The following RPS6KC1 variants were observed in gnomAD, a reference collection of about 807,000 sequenced individuals.
RPS6KC1 encodes the protein inactive ribosomal protein S6 kinase delta-1.
Under a neutral mutation model 103.8 loss-of-function variants are expected in RPS6KC1, and 54 were observed. The ratio of observed to expected loss-of-function variants is 0.52; its 90% CI spans 0.42 to 0.65. The LOEUF is 0.65. Ranked by LOEUF, RPS6KC1 falls within the 30% of genes least tolerant of loss-of-function variation. The probability of loss-of-function intolerance (pLI) is 0.00; values close to 1 mark genes in which losing one functional copy is unlikely to be tolerated. For synonymous variants in RPS6KC1, 439 were observed against 438.7 expected (o/e 1.00, Z -0.01); for missense variants, 1,151 against 1,253.8 (o/e 0.92, Z 1.24).
At chr1:213,150,866 C>T (rs1466574543) in intron 6 of RPS6KC1, among the ~76,000 whole-genome samples, 1 of 152,132 alleles carries the variant, frequency 6.6e-6, no homozygotes, top group Non-Finnish European at 1.5e-5. Context: ...GGCAGAGGGG[C>T]TCCTCACTTC....
rs553758552 is a variant in RPS6KC1 at position 213,189,342 on chromosome 1, C to T, written c.1044+12850C>T. ...TGGGTGCTTGTAATTCCAGCTACTC[C>T]GGAGGCTGAGGCAAGATAATTGCTT... is the stretch of plus-strand genomic sequence containing the variant. On this transcript the variant is annotated intron_variant, in intron 8 of 14. Coordinates refer to ENST00000366960, the MANE Select transcript of RPS6KC1 (RefSeq NM_012424.6). Among the ~76,000 whole-genome samples the T allele has an allele frequency of 1.1e-3, 170 of 151,230 alleles. 1 individual carries two copies. The highest frequency in any genetic ancestry group is 3.8e-3 in the African/African-American group (158 of 41,180).
At chr1:213,631,009 C>T in the RPS6KC1 span, among the ~76,000 whole-genome samples, 19 of 152,144 alleles carry the variant, frequency 1.2e-4, no homozygotes, top group African/African-American at 4.6e-4. Context: ...ACCCTCTGAG[C>T]CAGGTGTGGG....
At chr1:213,076,247 T>A (rs2079323952) in intron 2 of RPS6KC1, among the ~76,000 whole-genome samples, 1 of 152,220 alleles carries the variant, frequency 6.6e-6, no homozygotes, top group Admixed American at 6.5e-5. Flanking sequence ...CATATTATAG[T>A]CTGCCTAGCC....
At chr1:213,158,718 C>T (rs1312638590) in intron 6 of RPS6KC1, among the ~76,000 whole-genome samples, 1 of 152,018 alleles carries the variant, frequency 6.6e-6, no homozygotes, top group Non-Finnish European at 1.5e-5. Flanking sequence ...GGCATGTTTC[C>T]TGAGAGTTGT....
At chr1:213,371,300 G>A in the RPS6KC1 span, among the ~76,000 whole-genome samples, 2 of 152,144 alleles carry the variant, frequency 1.3e-5, no homozygotes, top group Non-Finnish European at 2.9e-5. Flanking sequence ...TTTTAAGGCT[G>A]AATAATATTC....
chr1:213,223,158 G>C (rs1313159726), intron 8 of RPS6KC1, among the ~76,000 whole-genome samples: 1 of 152,012 alleles, frequency 6.6e-6, no homozygotes, highest in Non-Finnish European at 1.5e-5. Flanking sequence ...ACACAAATCC[G>C]GTTATATGTG....
chr1:213,254,328 T>C (rs1446649003), intron 12 of RPS6KC1, among the ~76,000 whole-genome samples: 1 of 152,220 alleles, frequency 6.6e-6, no homozygotes, highest in African/African-American at 2.4e-5. Flanking sequence ...ATTCTGTGTC[T>C]CCATTACATT....
chr1:213,814,912 C>T, the RPS6KC1 span, among the ~76,000 whole-genome samples: 6 of 152,148 alleles, frequency 3.9e-5, no homozygotes, highest in African/African-American at 1.4e-4. Context: ...ACAGCAAACT[C>T]ATAGATTCTC....
At chr1:213,619,411 G>T in the RPS6KC1 span, among the ~76,000 whole-genome samples, 2 of 152,314 alleles carry the variant, frequency 1.3e-5, no homozygotes, top group Non-Finnish European at 2.9e-5. Context: ...TAACAGCAAA[G>T]GGAAGGACAA....
the RPS6KC1 span, among the ~76,000 whole-genome samples, chr1:213,313,540 C>T: frequency 3.3e-5 from 5 of 152,170 alleles, no homozygotes; most frequent in South Asian, 2.1e-4. Context: ...GCCGTTTCTC[C>T]TGCTGTTTCC....
At chr1:213,392,812 A>G in the RPS6KC1 span, among the ~76,000 whole-genome samples, 4 of 152,348 alleles carry the variant, frequency 2.6e-5, no homozygotes, top group African/African-American at 9.6e-5. Flanking sequence ...CAGAGCCTGG[A>G]GGAAAATTCA....
At chr1:213,682,028 G>A in the RPS6KC1 span, among the ~76,000 whole-genome samples, 3 of 152,116 alleles carry the variant, frequency 2.0e-5, no homozygotes, top group African/African-American at 4.8e-5. Context: ...TCCTGAAATT[G>A]CTTTTCTATT....
At chr1:213,400,298 A>G in the RPS6KC1 span, among the ~76,000 whole-genome samples, 1 of 152,186 alleles carries the variant, frequency 6.6e-6, no homozygotes, top group Non-Finnish European at 1.5e-5. Context: ...GAGCTCGACC[A>G]TAAGAGAACA....
the RPS6KC1 span, among the ~76,000 whole-genome samples, chr1:213,443,900 C>CAA: frequency 8.6e-5 from 13 of 150,802 alleles, no homozygotes; most frequent in South Asian, 1.1e-3. Context: ...GACCCTGTCT[C>CAA]AAAAAAAAAG....
chr1:213,491,095 G>A, the RPS6KC1 span, among the ~76,000 whole-genome samples: 54 of 152,290 alleles, frequency 3.5e-4, no homozygotes, highest in African/African-American at 1.3e-3. Context: ...CAGGCCTGTG[G>A]TGGTTAGGCA....
At chr1:213,227,195 A>G (rs1285721980) in intron 8 of RPS6KC1, among the ~76,000 whole-genome samples, 1 of 152,226 alleles carries the variant, frequency 6.6e-6, no homozygotes, top group African/African-American at 2.4e-5. Context: ...AGTGGGATTC[A>G]TTCTTGTGTC....
In RPS6KC1 at chr1:213,090,230, C is replaced by T. The variant is rs760698380; in HGVS notation, c.262+12414C>T. Reference sequence around the variant, plus strand: ...AGTCTGAGGAGTTTTAAGAATCATGCTTCTAAACCTACAGCCAGTATTTTT... The same window carrying T: ...AGTCTGAGGAGTTTTAAGAATCATGTTTCTAAACCTACAGCCAGTATTTTT... On this transcript the variant is annotated intron_variant, in intron 3 of 14. Coordinates refer to ENST00000366960, the MANE Select transcript of RPS6KC1 (RefSeq NM_012424.6). Among the ~76,000 whole-genome samples, 115 of 152,176 alleles carry T rather than the reference C, an allele frequency of 7.6e-4. 2 individuals carry two copies. The highest frequency in any genetic ancestry group is 2.5e-4 in the Non-Finnish European group (17 of 68,028).
the RPS6KC1 span, among the ~76,000 whole-genome samples, chr1:213,444,580 G>A: frequency 1.5e-3 from 226 of 151,892 alleles, no homozygotes; most frequent in African/African-American, 4.6e-3. Context: ...GGTCAGGCTG[G>A]TACCCTGTCT....
the RPS6KC1 span, among the ~76,000 whole-genome samples, chr1:213,766,293 A>G: frequency 2.2e-4 from 33 of 152,354 alleles, no homozygotes; most frequent in Middle Eastern, 6.8e-3. Flanking sequence ...GGCAAAACTA[A>G]GAAAGTGGTG....
Sources: gnomAD v4.1 joint callset for allele counts (sites outside exome capture counted in the v4.1 genomes callset) on GRCh38, gnomAD v4.1.1 for gene constraint, MANE v1.5 for transcripts, NCBI Gene and HGNC (gene_info 2026-07-23, HGNC 2026-07-21) for gene names.